SGSM3: variants seen among roughly 807,000 people sequenced by gnomAD.
SGSM3 encodes the protein RUN and SH3 containing 3.
SGSM3 carries 96 observed loss-of-function variants against 100.5 expected under a neutral mutation model. The observed-to-expected ratio is 0.96, with a 90% CI of 0.81 to 1.13. SGSM3 has a LOEUF of 1.13. Among genes scored for constraint, SGSM3 ranks in the 50% most tolerant of loss-of-function variants. The pLI is 0.00. For missense variants in SGSM3, 1,001 were observed against 1,015.8 expected (o/e 0.99, Z 0.20); for synonymous variants, 483 against 422.8 (o/e 1.14, Z -1.75).
At chr22:40,387,230 A>G in intron 1 of SGSM3, 1 of 398,536 alleles carries the variant, frequency 2.5e-6, no homozygotes, top group African/African-American at 2.1e-5. Context: ...TTTCCTTCTG[A>G]TACCTCCGTC....
At position 40,408,929 on chromosome 22, in the gene SGSM3, C is replaced by T. The variant is rs996589204; in HGVS notation, c.1903-4C>T. On this transcript the variant is annotated splice_polypyrimidine_tract_variant and splice_region_variant and intron_variant, in intron 18 of 21. Coordinates refer to ENST00000248929, the MANE Select transcript of SGSM3 (RefSeq NM_015705.6). ...TGAGTGACAGCTGACGGTGCCGTTC[C>T]CAGGCTGTGCAGTCTGTGAACGTGA... The T allele has an allele frequency of 2.5e-6, 4 of 1,612,886 alleles. No homozygotes were observed. In the South Asian group the frequency reaches 3.3e-5, roughly 13 times the overall value.
rs773812224 is a variant in SGSM3 at position 40,408,801 on chromosome 22, G to T, written c.1861G>T (p.Glu621Ter). The change falls in exon 18 of 22, where the codon GAA (glutamate) becomes TAA (stop). Residue 621 changes from glutamate to a stop codon, truncating the protein, a stop_gained. Coordinates refer to ENST00000248929, the MANE Select transcript of SGSM3 (RefSeq NM_015705.6). LOFTEE classifies it high-confidence loss of function. ...GCTTTGGTGTCCCCTCAGGTTGGAT[G>T]AAGATGGCAAAGTCCTGACCCCGGA... ...LVLCKTFRLD[E>*]DGKVLTPEEL... 1.1e-5 allele frequency: 18 copies of T among 1,613,686 alleles called. No homozygotes were observed. The highest frequency in any genetic ancestry group is 1.4e-5 in the Non-Finnish European group (16 of 1,180,026).
At position 40,408,440 on chromosome 22, in the gene SGSM3, G is replaced by A. The variant is rs942126569; in HGVS notation, c.1782+11G>A. The A allele has an allele frequency of 3.1e-6, 5 of 1,613,192 alleles. No homozygotes were observed. The African/African-American group carries it at 6.7e-5, about 22-fold the overall frequency. Reference sequence around the variant, plus strand: ...CTGTTTATCGAGGAGGTAAGTCAGTGGCTGGGCCCATGACCCCCACCCTGC... The same window carrying A: ...CTGTTTATCGAGGAGGTAAGTCAGTAGCTGGGCCCATGACCCCCACCCTGC... On this transcript the variant is annotated intron_variant, in intron 16 of 21. Transcript: ENST00000248929.
At chr22:40,405,926 C>A in intron 8 of SGSM3, 82 bp downstream of exon 8, 2 of 1,488,894 alleles carry the variant, frequency 1.3e-6, no homozygotes, top group Non-Finnish European at 1.8e-6. Flanking sequence ...AGGGCACAGC[C>A]CCCCAACCAT....
chr22:40,393,258 G>A (rs2049598549), intron 1 of SGSM3, among the ~76,000 whole-genome samples: 1 of 152,168 alleles, frequency 6.6e-6, no homozygotes, highest in African/African-American at 2.4e-5. Flanking sequence ...CTGGGACTAA[G>A]AGGCGCGTGC....
chr22:40,393,935 G>A (rs910985605), intron 1 of SGSM3, among the ~76,000 whole-genome samples: 1 of 152,104 alleles, frequency 6.6e-6, no homozygotes, highest in African/African-American at 2.4e-5. Context: ...TAAAACCAAA[G>A]CACTCTTTCT....
chr22:40,405,263 C>T lies in SGSM3; in HGVS notation c.597C>T (p.Gly199=), dbSNP rs979911855. ...TGGCCTGGCTCTACCCAGAGATCGG[C>T]TACTGCCAGGGCACCGGCATGGTGA... ...RALAWLYPEI[G]YCQGTGMVAA... Residue 199 remains glycine (G), a synonymous_variant, in exon 7 of 22, where the codon GGC becomes GGT. Transcript: ENST00000248929. 1.3e-5 allele frequency: 20 copies of T among 1,522,802 alleles called. No individual in the cohort carries two copies. Among genetic ancestry groups the T allele is most frequent in the Non-Finnish European group, 1.7e-5 (19 of 1,133,616 alleles). 94.3% of individuals were successfully genotyped at this position (1,522,802 alleles called of 1,614,324 possible). A position where few individuals can be genotyped will look rare whatever the true frequency, so the allele number is the denominator to read the frequency against.
At position 40,407,811 on chromosome 22, in the gene SGSM3, A is replaced by G. The variant is rs1417397663; in HGVS notation, c.1547A>G (p.His516Arg). ...CAGATCGTGTCTCAGAAGGACGAGCACTGCTGGGTGGGGGAGCTCAACGGC... is the reference window on the plus strand; with the variant it reads ...CAGATCGTGTCTCAGAAGGACGAGCGCTGCTGGGTGGGGGAGCTCAACGGC... ...IITIVSQKDE[H>R]CWVGELNGLR... The change falls in exon 14 of 22, where the codon CAC (histidine) becomes CGC (arginine). Residue 516 changes from histidine to arginine, a missense_variant. By Grantham distance (29) the His-to-Arg change is conservative (BLOSUM62 0). Transcript: ENST00000248929. This position sits in a 1 kb window ranked among gnomAD's most constrained non-coding sequence, Gnocchi z 4.7. 2.5e-6 allele frequency: 4 copies of G among 1,613,824 alleles called. No homozygotes were observed. The highest frequency in any genetic ancestry group is 1.1e-5 in the South Asian group (1 of 91,068).
At position 40,409,250 on chromosome 22, in the gene SGSM3, T is replaced by G; in HGVS notation, c.1989T>G (p.Asn663Lys). ...TCCCCACTCCTGGCCATGTCCCCAG[T>G]GAGCAGGTGCTGCACCTGTGGCTGG... is the stretch of plus-strand genomic sequence containing the variant. Reference protein sequence around the residue: ...KLRSLICVGLNEQVLHLWLEV... With the variant: ...KLRSLICVGLKEQVLHLWLEV... Residue 663 changes from asparagine to lysine, a missense_variant and splice_region_variant, in exon 20 of 22, where the codon AAT becomes AAG. Physicochemically the swap from Asn to Lys is moderately conservative, Grantham distance 94. Transcript: ENST00000248929. The G allele has an allele frequency of 1.2e-6, 2 of 1,602,224 alleles. No homozygotes were observed. The highest frequency in any genetic ancestry group is 1.7e-6 in the Non-Finnish European group (2 of 1,176,364).
chr22:40,370,882 C>G (rs984301654), intron 1 of SGSM3, among the ~76,000 whole-genome samples, 194 bp downstream of exon 1: 1 of 152,072 alleles, frequency 6.6e-6, no homozygotes, highest in Non-Finnish European at 1.5e-5. Context: ...GAATGGGGGC[C>G]GGGGACGCGG....
chr22:40,396,973 G>A (rs1204330863), intron 1 of SGSM3, among the ~76,000 whole-genome samples: 1 of 152,158 alleles, frequency 6.6e-6, no homozygotes, highest in Non-Finnish European at 1.5e-5. Flanking sequence ...CTCCTCAAAG[G>A]TTCCTAAATC....
Position 40,409,720 on chromosome 22 carries a change from G to A in SGSM3, c.2211G>A (p.Leu737=), listed in dbSNP as rs2147032246. 1 of 1,612,154 alleles carries A rather than the reference G, an allele frequency of 6.2e-7. No homozygotes were observed. The highest frequency in any genetic ancestry group is 1.3e-5 in the African/African-American group (1 of 75,054). The change falls in exon 22 of 22, where the codon CTG becomes CTA. Residue 737 remains leucine, a synonymous_variant. Transcript: ENST00000248929. ...TGAAGGAGGGCGTCCGGGACATGCT[G>A]GTGAAGCACCACCTCTTCAGCTGGG... is the stretch of plus-strand genomic sequence containing the variant. ...QPLKEGVRDM[L]VKHHLFSWDV... is the part of the protein sequence containing the mutation.
chr22:40,396,139 A>G (rs2050017946), intron 1 of SGSM3, among the ~76,000 whole-genome samples: 2 of 152,278 alleles, frequency 1.3e-5, no homozygotes, highest in East Asian at 1.9e-4. Flanking sequence ...TTTAGCATCT[A>G]TAGAAGCCAC....
chr22:40,406,289 A>G (rs2051501207), intron 9 of SGSM3, 66 bp downstream of exon 9: 1 of 1,595,556 alleles, frequency 6.3e-7, no homozygotes, highest in Non-Finnish European at 8.5e-7. Flanking sequence ...GGAGCAAGAG[A>G]CCTCCCTGGG....
At chr22:40,376,450 G>T (rs970636223) in intron 1 of SGSM3, 1 of 151,870 alleles carries the variant, frequency 6.6e-6, no homozygotes, top group Non-Finnish European at 1.5e-5. Context: ...CACTGCACCC[G>T]GCCTGGCTTT....
intron 1 of SGSM3, among the ~76,000 whole-genome samples, chr22:40,379,074 CATTTT>C (rs1417999475): frequency 2.6e-5 from 4 of 152,218 alleles, no homozygotes; most frequent in Admixed American, 6.5e-5. Flanking sequence ...CTTCCTGCCT[CATTTT>C]ACTCTGTAGC....
intron 1 of SGSM3, among the ~76,000 whole-genome samples, chr22:40,395,848 C>A (rs182324162): frequency 6.6e-6 from 1 of 152,270 alleles, no homozygotes; most frequent in East Asian, 1.9e-4. Context: ...CTCTTTTTCT[C>A]CACTGTCACT....
chr22:40,377,568 G>T (rs570643222), intron 1 of SGSM3, among the ~76,000 whole-genome samples: 1 of 152,264 alleles, frequency 6.6e-6, no homozygotes, highest in East Asian at 1.9e-4. Context: ...TGGTGTCGTG[G>T]CTCACGCCTG....
In SGSM3 at chr22:40,406,122, A is replaced by T. The variant is rs759581343; in HGVS notation, c.859A>T (p.Ser287Cys). ...TLHWFLTAFA[S>C]VVDIKLLLRI... ...GCACTGGTTCCTCACGGCCTTCGCC[A>T]GCGTGGTGGACATCAAGCTGCTCCT... Residue 287 changes from serine (S) to cysteine (C), a missense_variant, in exon 9 of 22, where the codon AGC (serine) becomes TGC (cysteine). Ser to Cys is a moderately radical substitution (Grantham distance 112). Coordinates refer to ENST00000248929, the MANE Select transcript of SGSM3 (RefSeq NM_015705.6). 6.2e-7 allele frequency: 1 copy of T among 1,614,104 alleles called. No individual in the cohort carries two copies. Among genetic ancestry groups the T allele is most frequent in the Non-Finnish European group, 8.5e-7 (1 of 1,180,024 alleles).
Sources: allele counts gnomAD v4.1 joint callset (sites outside exome capture counted in the v4.1 genomes callset), GRCh38; gene constraint gnomAD v4.1.1; non-coding constraint Gnocchi (gnomAD v3.1); transcripts MANE v1.5; gene names NCBI Gene and HGNC (gene_info 2026-07-23, HGNC 2026-07-21).